Variants in SLCO1A2 observed in about 807,000 individuals in gnomAD.
SLCO1A2 encodes OATP-1.
SLCO1A2 carries 67 observed loss-of-function variants against 69.0 expected under a neutral mutation model. That is an observed-to-expected ratio of 0.97 (90% CI 0.80 to 1.19). The LOEUF is 1.19. Ranked by LOEUF, SLCO1A2 falls within the 50% of genes most tolerant of loss-of-function variation. SLCO1A2 has a pLI of 0.00. For synonymous variants in SLCO1A2, 260 were observed against 265.9 expected (o/e 0.98, Z 0.22); for missense variants, 787 against 793.7 (o/e 0.99, Z 0.10).
At chr12:21,319,699 C>A (rs948132215) in intron 2 of SLCO1A2, 1 of 317,488 alleles carries the variant, frequency 3.1e-6, no homozygotes, top group East Asian at 7.6e-5. Context: ...TACTGCTTGC[C>A]TAATATATAT....
chr12:21,370,195 C>T (rs1402683025), intron 2 of SLCO1A2, among the ~76,000 whole-genome samples: 1 of 152,088 alleles, frequency 6.6e-6, no homozygotes, highest in Non-Finnish European at 1.5e-5. Context: ...TTCTTTGAAT[C>T]TCATTTTCAT....
chr12:21,275,565 G>A (rs896518780), intron 12 of SLCO1A2, 141 bp from the exon 13 acceptor site: 8 of 863,258 alleles, frequency 9.3e-6, no homozygotes, highest in Admixed American at 3.9e-5. Context: ...TGGTTATTCA[G>A]GGCTTTATTA....
intron 2 of SLCO1A2, among the ~76,000 whole-genome samples, chr12:21,371,138 A>G (rs908580098): frequency 2.6e-5 from 4 of 152,184 alleles, no homozygotes; most frequent in Admixed American, 2.6e-4. Flanking sequence ...GGGAAGTGGT[A>G]GTAATTTTTG....
At chr12:21,373,474 G>C in intron 2 of SLCO1A2, 1 of 1,362,910 alleles carries the variant, frequency 7.3e-7, no homozygotes, top group Non-Finnish European at 1.1e-6. Flanking sequence ...CTTTTGTAAA[G>C]TGTGAGAAAA....
chr12:21,299,793 C>CACACGTATATATATATATATAT lies in SLCO1A2; in HGVS notation c.910+554_910+555insATATATATATATATATACGTGT, dbSNP rs1565482265. ...GTGTATATATATATATATATATACA[C>CACACGTATATATATATATATAT]ACACACGTATATATATACACACACA... is the stretch of plus-strand genomic sequence containing the variant. On this transcript the variant is annotated intron_variant, in intron 8 of 14. Coordinates refer to ENST00000683939, the MANE Select transcript of SLCO1A2 (RefSeq NM_001386879.1). 2.4e-4 allele frequency among the ~76,000 whole-genome samples: 27 copies of CACACGTATATATATATATATAT among 113,638 alleles called. No individual in the cohort carries two copies. The South Asian group carries it at 5.8e-3, about 24-fold the overall frequency. 74.6% of individuals were successfully genotyped at this position (113,638 alleles called of 152,430 possible).
chr12:21,334,722 CA>C lies in SLCO1A2; in HGVS notation c.-62-14del. ...TCTTACTTCTACCCTTTCAAGCAAACAAAAAAATATGTTAAATTAACTACAA... is the reference window on the plus strand; with the variant it reads ...TCTTACTTCTACCCTTTCAAGCAAACAAAAAATATGTTAAATTAACTACAA... On this transcript the variant is annotated splice_polypyrimidine_tract_variant and intron_variant, in intron 1 of 14. Transcript: ENST00000683939. The C allele has an allele frequency of 1.2e-5, 14 of 1,182,304 alleles. No homozygotes were observed. Among genetic ancestry groups the C allele is most frequent in the South Asian group, 2.9e-5 (2 of 69,344 alleles). The allele number at this position is 1,182,304 out of a possible 1,614,324, so 73.2% of individuals were successfully genotyped here.
At chr12:21,384,619 A>G (rs1464815448) in intron 1 of SLCO1A2, among the ~76,000 whole-genome samples, 4 of 152,202 alleles carry the variant, frequency 2.6e-5, no homozygotes, top group Non-Finnish European at 4.4e-5. Context: ...AATCTAAAAT[A>G]CTAAAAAGAT....
chr12:21,392,106 A>C (rs1392256834), intron 1 of SLCO1A2, among the ~76,000 whole-genome samples: 1 of 152,200 alleles, frequency 6.6e-6, no homozygotes, highest in Non-Finnish European at 1.5e-5. Context: ...GATTCTTTGG[A>C]GATTCCACCC....
In SLCO1A2 at chr12:21,314,639, T is replaced by C; in HGVS notation, c.245A>G (p.Lys82Arg). 6.2e-7 allele frequency: 1 copy of C among 1,612,274 alleles called. No individual in the cohort carries two copies. The highest frequency in any genetic ancestry group is 8.5e-7 in the Non-Finnish European group (1 of 1,178,318). ...LIIFVSYFGT[K>R]LHRPIMIGIG... The stretch of plus-strand genomic sequence containing the variant: ...GCCAATCATTATAGGTCTATGCAGT[T>C]TGGTTCCAAAATAACTCACAAATAT... The change falls in exon 4 of 15, where the codon AAA becomes AGA. Residue 82 changes from lysine to arginine, a missense_variant. Coordinates refer to ENST00000683939, the MANE Select transcript of SLCO1A2 (RefSeq NM_001386879.1).
At chr12:21,290,129 T>C (rs1163585910) in intron 12 of SLCO1A2, among the ~76,000 whole-genome samples, 2 of 151,982 alleles carry the variant, frequency 1.3e-5, no homozygotes, top group Non-Finnish European at 2.9e-5. Context: ...TATATTTATA[T>C]ATAGTACTTA....
chr12:21,367,328 A>C (rs1223331224), intron 2 of SLCO1A2, among the ~76,000 whole-genome samples: 1 of 152,162 alleles, frequency 6.6e-6, no homozygotes, highest in Admixed American at 6.5e-5. Flanking sequence ...GAAAACTAGA[A>C]CAGTATTTTT....
intron 1 of SLCO1A2, among the ~76,000 whole-genome samples, chr12:21,377,839 T>A (rs930375714): frequency 4.6e-5 from 7 of 152,192 alleles, no homozygotes; most frequent in African/African-American, 1.7e-4. Flanking sequence ...GTAGAAATAA[T>A]TATTTTTAAA....
At chr12:21,296,659 G>T (rs1947759081) in intron 9 of SLCO1A2, among the ~76,000 whole-genome samples, 1 of 152,096 alleles carries the variant, frequency 6.6e-6, no homozygotes, top group African/African-American at 2.4e-5. Flanking sequence ...TGAAAAAAAA[G>T]AATAGAAAAA....
intron 9 of SLCO1A2, among the ~76,000 whole-genome samples, chr12:21,296,245 C>G (rs1366749975): frequency 6.6e-6 from 1 of 152,000 alleles, no homozygotes; most frequent in Non-Finnish European, 1.5e-5. Flanking sequence ...AGTGCTTTTT[C>G]TTTTCTTTTT....
chr12:21,293,251 C>T (rs368163669), intron 11 of SLCO1A2, among the ~76,000 whole-genome samples: 13 of 151,882 alleles, frequency 8.6e-5, no homozygotes, highest in African/African-American at 2.9e-4. Flanking sequence ...TGCAGTGAGC[C>T]GAGATCATGC....
At chr12:21,385,075 T>A (rs984476139) in intron 1 of SLCO1A2, among the ~76,000 whole-genome samples, 9 of 152,298 alleles carry the variant, frequency 5.9e-5, no homozygotes, top group East Asian at 3.9e-4. Flanking sequence ...AGATTTTTTT[T>A]AAAAACTCTT....
chr12:21,362,938 TA>T (rs1242694897), intron 2 of SLCO1A2, among the ~76,000 whole-genome samples: 1 of 151,966 alleles, frequency 6.6e-6, no homozygotes, highest in Admixed American at 6.6e-5. Flanking sequence ...TCCCACACAA[TA>T]ATAATGGGAG....
At chr12:21,323,612 ATATC>A (rs1280885654) in intron 2 of SLCO1A2, among the ~76,000 whole-genome samples, 13 of 152,104 alleles carry the variant, frequency 8.5e-5, no homozygotes, top group Non-Finnish European at 1.8e-4. Context: ...TTAAAAATAC[ATATC>A]TATCTATCTG....
chr12:21,410,799 C>G (rs949587937), intron 1 of SLCO1A2, among the ~76,000 whole-genome samples: 1 of 152,056 alleles, frequency 6.6e-6, no homozygotes, highest in Non-Finnish European at 1.5e-5. Context: ...AAAATTACAT[C>G]TCATTATTTC....
Sources: gnomAD v4.1 joint callset for allele counts (sites outside exome capture counted in the v4.1 genomes callset) on GRCh38, gnomAD v4.1.1 for gene constraint, MANE v1.5 for transcripts, NCBI Gene and HGNC (gene_info 2026-07-23, HGNC 2026-07-21) for gene names.